The following ROBO1 variants were observed in gnomAD, a reference collection of about 807,000 sequenced individuals.
ROBO1 encodes the protein roundabout homolog 1.
ROBO1 carries 149 observed loss-of-function variants against 195.9 expected under a neutral mutation model. The observed-to-expected ratio is 0.76, with a 90% CI of 0.67 to 0.87. ROBO1 has a LOEUF of 0.87. Ranked by LOEUF, ROBO1 falls within the 40% of genes least tolerant of loss-of-function variation. The pLI is 0.00. For missense variants in ROBO1, 1,933 were observed against 2,068.3 expected (o/e 0.93, Z 1.27); for synonymous variants, 816 against 733.2 (o/e 1.11, Z -1.82).
intron 3 of ROBO1, among the ~76,000 whole-genome samples, chr3:79,095,336 T>C (rs1377192365): frequency 6.6e-6 from 1 of 152,064 alleles, no homozygotes; most frequent in African/African-American, 2.4e-5. Context: ...TTAAAAGACA[T>C]TGTAGCTTCT....
At chr3:78,740,535 G>A (rs539185094) in intron 5 of ROBO1, among the ~76,000 whole-genome samples, 8 of 149,110 alleles carry the variant, frequency 5.4e-5, no homozygotes, top group African/African-American at 9.9e-5. Context: ...GCAATGGCGC[G>A]ACCTCGGCTC....
At chr3:79,688,557 C>T (rs1205829979) in intron 1 of ROBO1, among the ~76,000 whole-genome samples, 1 of 152,066 alleles carries the variant, frequency 6.6e-6, no homozygotes, top group Non-Finnish European at 1.5e-5. Context: ...ACCATTCCCA[C>T]TGACATTTGT....
At chr3:79,196,718 G>A (rs1267891340) in intron 2 of ROBO1, among the ~76,000 whole-genome samples, 2 of 151,700 alleles carry the variant, frequency 1.3e-5, no homozygotes, top group Non-Finnish European at 3.0e-5. Context: ...TTGTCTCTCC[G>A]TGGTTTTAAA....
At chr3:79,502,092 C>G (rs1940103009) in intron 2 of ROBO1, among the ~76,000 whole-genome samples, 2 of 152,230 alleles carry the variant, frequency 1.3e-5, no homozygotes, top group African/African-American at 4.8e-5. Context: ...TGACAGCATG[C>G]TGGCAGCCCT....
rs183511134 is a variant in ROBO1 at position 79,230,489 on chromosome 3, G to A, written c.89-104950C>T. ...GGGCTTGGTCAAGTGACTTGCTTTGGTCAATGTGACAATAGCAAATGTAAA... is the reference window on the plus strand; with the variant it reads ...GGGCTTGGTCAAGTGACTTGCTTTGATCAATGTGACAATAGCAAATGTAAA... On this transcript the variant is annotated intron_variant, in intron 2 of 30. Coordinates refer to ENST00000464233, the MANE Select transcript of ROBO1 (RefSeq NM_002941.4). 1.6e-3 allele frequency among the ~76,000 whole-genome samples: 248 copies of A among 151,868 alleles called. 2 individuals are homozygous for A. In the Middle Eastern group the frequency reaches 0.02, roughly 12 times the overall value.
intron 26 of ROBO1, among the ~76,000 whole-genome samples, chr3:78,618,920 C>A (rs925665504): frequency 6.6e-6 from 1 of 152,064 alleles, no homozygotes. Flanking sequence ...GGGCTATGAT[C>A]CACAGTGAAT....
chr3:79,491,777 TCTGA>T (rs1303522763), intron 2 of ROBO1, among the ~76,000 whole-genome samples: 9 of 146,226 alleles, frequency 6.2e-5, no homozygotes, highest in African/African-American at 1.8e-4. Context: ...AATGATTTAA[TCTGA>T]CTTTTTTTTT....
At chr3:78,745,214 A>C (rs2082628115) in intron 5 of ROBO1, among the ~76,000 whole-genome samples, 1 of 151,150 alleles carries the variant, frequency 6.6e-6, no homozygotes. Context: ...AGGCTGAGGC[A>C]GGAGAATCGC....
intron 1 of ROBO1, among the ~76,000 whole-genome samples, chr3:79,679,941 G>T (rs559726113): frequency 2.0e-5 from 3 of 152,096 alleles, no homozygotes; most frequent in African/African-American, 7.2e-5. Context: ...TCTGAAGCAC[G>T]TCACATGTCA....
intron 2 of ROBO1, among the ~76,000 whole-genome samples, chr3:79,352,464 C>G (rs1246358040): frequency 1.3e-5 from 2 of 152,314 alleles, no homozygotes; most frequent in Non-Finnish European, 1.5e-5. Flanking sequence ...TTAACACCGT[C>G]AACTAGACTA....
chr3:79,529,211 A>G (rs771675310), intron 2 of ROBO1, among the ~76,000 whole-genome samples: 1 of 152,216 alleles, frequency 6.6e-6, no homozygotes, highest in Non-Finnish European at 1.5e-5. Context: ...GGCCAGGTAC[A>G]GTGGCTCATG....
chr3:79,335,986 C>T (rs2034650517), intron 2 of ROBO1, among the ~76,000 whole-genome samples: 1 of 152,258 alleles, frequency 6.6e-6, no homozygotes, highest in Admixed American at 6.5e-5. Context: ...AGCAAAGAGA[C>T]TGGTGACATT....
intron 1 of ROBO1, among the ~76,000 whole-genome samples, chr3:79,757,300 G>T (rs1214081620): frequency 6.6e-6 from 1 of 152,114 alleles, no homozygotes; most frequent in African/African-American, 2.4e-5. Context: ...GATTTTGTTT[G>T]AAGTCTTAAT....
intron 3 of ROBO1, among the ~76,000 whole-genome samples, chr3:79,092,873 A>G (rs934550360): frequency 1.3e-5 from 2 of 152,134 alleles, no homozygotes; most frequent in Admixed American, 6.6e-5. Flanking sequence ...AATTAGAATA[A>G]TCAGTAATTA....
At chr3:79,586,286 A>G (rs990355161) in intron 2 of ROBO1, among the ~76,000 whole-genome samples, 3 of 151,960 alleles carry the variant, frequency 2.0e-5, no homozygotes, top group African/African-American at 7.2e-5. Flanking sequence ...TTTATAATCT[A>G]TTTATGGATG....
intron 4 of ROBO1, among the ~76,000 whole-genome samples, chr3:78,925,384 G>A (rs997251970): frequency 6.6e-6 from 1 of 152,012 alleles, no homozygotes; most frequent in Non-Finnish European, 1.5e-5. Flanking sequence ...AGCTGCATTG[G>A]ACACTCACAA....
At chr3:78,659,871 T>G (rs1255842415) in intron 16 of ROBO1, 64 bp from the exon 17 acceptor site, 2 of 1,381,672 alleles carry the variant, frequency 1.4e-6, no homozygotes, top group African/African-American at 1.5e-5. Flanking sequence ...AGCAGGTAAT[T>G]AATATCAAAC....
rs571206414 is a variant in ROBO1 at position 79,186,724 on chromosome 3, C to T, written c.89-61185G>A. ...TAGTCCATGATTTACCATCCCCCTT[C>T]CTACCACTGCAATAGTCATAGACAC... is the stretch of plus-strand genomic sequence containing the variant. On this transcript the variant is annotated intron_variant, in intron 2 of 30. Transcript: ENST00000464233. Among the ~76,000 whole-genome samples, 4 of 152,218 alleles carry T rather than the reference C, an allele frequency of 2.6e-5. No homozygotes were observed. The South Asian group carries it at 8.3e-4, about 32-fold the overall frequency.
intron 1 of ROBO1, among the ~76,000 whole-genome samples, chr3:79,659,085 TC>T (rs1946253560): frequency 1.3e-5 from 2 of 152,106 alleles, no homozygotes; most frequent in Non-Finnish European, 2.9e-5. Flanking sequence ...TAATAAATGT[TC>T]AGTTTTACAT....
Sources: allele counts gnomAD v4.1 joint callset (sites outside exome capture counted in the v4.1 genomes callset), GRCh38; gene constraint gnomAD v4.1.1; transcripts MANE v1.5; gene names NCBI Gene and HGNC (gene_info 2026-07-23, HGNC 2026-07-21).